Variants in DCLRE1C observed in about 807,000 individuals in gnomAD.
The protein encoded by DCLRE1C is protein artemis.
A neutral mutation model predicts 61.4 loss-of-function variants in DCLRE1C; 47 were observed. That is an observed-to-expected ratio of 0.77 (90% CI 0.61 to 0.98). The LOEUF is 0.98. DCLRE1C is among the 50% of genes least tolerant of loss of function. DCLRE1C has a pLI of 0.00. For missense variants in DCLRE1C, 858 were observed against 816.0 expected (o/e 1.05, Z -0.63); for synonymous variants, 337 against 287.6 (o/e 1.17, Z -1.74).
chr10:14,927,052 C>T (rs1838124126), intron 10 of DCLRE1C, among the ~76,000 whole-genome samples, 155 bp from the exon 11 acceptor site: 2 of 152,202 alleles, frequency 1.3e-5, no homozygotes, highest in African/African-American at 4.8e-5. Context: ...TCAGGAATTT[C>T]TTCTTGGGAT....
At chr10:14,911,110 AG>A (rs776653207) in intron 13 of DCLRE1C, 1 of 152,342 alleles carries the variant, frequency 6.6e-6, no homozygotes, top group Non-Finnish European at 1.5e-5. Flanking sequence ...TGCACTAAGC[AG>A]CATGTGCTTG....
intron 13 of DCLRE1C, among the ~76,000 whole-genome samples, chr10:14,910,571 G>A (rs141639977): frequency 1.3e-5 from 2 of 152,184 alleles, no homozygotes; most frequent in East Asian, 3.9e-4. Context: ...TGGAATTAGA[G>A]GCATGAGCCA....
intron 11 of DCLRE1C, among the ~76,000 whole-genome samples, chr10:14,924,853 A>G (rs1189732052): frequency 1.3e-5 from 2 of 151,902 alleles, no homozygotes; most frequent in Non-Finnish European, 2.9e-5. Flanking sequence ...TCTCAAAAAA[A>G]TAAATAAATA....
chr10:14,918,574 T>C (rs1230822002), intron 13 of DCLRE1C, among the ~76,000 whole-genome samples: 1 of 151,574 alleles, frequency 6.6e-6, no homozygotes, highest in Non-Finnish European at 1.5e-5. Flanking sequence ...ATTTATCAAA[T>C]TGTACACCTT....
chr10:14,944,655 A>G (rs1227890851), intron 3 of DCLRE1C, among the ~76,000 whole-genome samples: 1 of 150,844 alleles, frequency 6.6e-6, no homozygotes, highest in African/African-American at 2.4e-5. Flanking sequence ...CAATGCCAAC[A>G]GACTTAATTT....
chr10:14,953,223 T>TAACA (rs1174228441), intron 1 of DCLRE1C, among the ~76,000 whole-genome samples: 7 of 152,254 alleles, frequency 4.6e-5, no homozygotes, highest in African/African-American at 1.4e-4. Flanking sequence ...ACAATGGTTG[T>TAACA]CAAGTTAGCG....
intron 12 of DCLRE1C, among the ~76,000 whole-genome samples, chr10:14,922,030 C>CT (rs915815648): frequency 2.6e-4 from 39 of 152,246 alleles, no homozygotes; most frequent in Middle Eastern, 3.2e-3. Context: ...ACCCATTGAG[C>CT]TTGTGTGCTG....
intron 9 of DCLRE1C, 62 bp downstream of exon 9, chr10:14,932,792 T>A: frequency 6.3e-7 from 1 of 1,588,888 alleles, no homozygotes. Flanking sequence ...ATGGAAGCCC[T>A]GACCTTTCTT....
At chr10:14,946,139 G>C (rs1190896908) in intron 2 of DCLRE1C, among the ~76,000 whole-genome samples, 1 of 151,272 alleles carries the variant, frequency 6.6e-6, no homozygotes, top group Non-Finnish European at 1.5e-5. Context: ...CTCTTGAGTA[G>C]CTGGGACTAC....
chr10:14,900,341 CATT>C (rs1450422390), downstream of DCLRE1C, among the ~76,000 whole-genome samples: 1 of 152,104 alleles, frequency 6.6e-6, no homozygotes, highest in Non-Finnish European at 1.5e-5. Context: ...GTTAGGGTGA[CATT>C]ATCTGCATTT....
rs537052664 is a variant in DCLRE1C at position 14,934,274 on chromosome 10, G to A, written c.678+106C>T. The A allele has an allele frequency of 2.0e-6, 3 of 1,497,278 alleles. No homozygotes were observed. The African/African-American group carries it at 4.3e-5, about 21-fold the overall frequency. The allele number at this position is 1,497,278 out of a possible 1,614,324, so 92.7% of individuals were successfully genotyped here. ...ACCCGGGAGGTGGAGGCTGCAGTGA[G>A]CCGAGGTCGCGTCACTACACTCCAG... On this transcript the variant is annotated intron_variant, in intron 8 of 13. Transcript: ENST00000378278.
At chr10:14,920,703 C>T (rs1251043822) in intron 12 of DCLRE1C, among the ~76,000 whole-genome samples, 1 of 152,200 alleles carries the variant, frequency 6.6e-6, no homozygotes, top group Non-Finnish European at 1.5e-5. Context: ...GGATGGGGGC[C>T]GGGTGCGGTG....
In DCLRE1C at chr10:14,922,837, G is replaced by GA. The variant is rs1366718753; in HGVS notation, c.1061+143dup. 29 of 685,724 alleles carry GA rather than the reference G, an allele frequency of 4.2e-5. 1 individual carries two copies. The highest frequency in any genetic ancestry group is 3.2e-4 in the South Asian group (20 of 62,642). 42.5% of individuals were successfully genotyped at this position (685,724 alleles called of 1,614,324 possible). On this transcript the variant is annotated intron_variant, in intron 12 of 13. Transcript: ENST00000378278. ...TGTGGAACTAAAGGAAACACTCCAGGAAAAAATGGAAATGAGTATCAGTTC... is the reference window on the plus strand; with the variant it reads ...TGTGGAACTAAAGGAAACACTCCAGGAAAAAAATGGAAATGAGTATCAGTTC...
downstream of DCLRE1C, chr10:14,903,202 G>GCT (rs1834137732): frequency 6.6e-6 from 1 of 152,134 alleles, no homozygotes; most frequent in Non-Finnish European, 1.5e-5. Context: ...TCTCCGAAGA[G>GCT]CTCTCTCTAG....
intron 6 of DCLRE1C, 30 bp downstream of exon 6, chr10:14,935,433 A>G (rs2130954325): frequency 6.2e-7 from 1 of 1,600,844 alleles, no homozygotes; most frequent in African/African-American, 1.3e-5. Context: ...ATAAAATAAA[A>G]TAAAATAAAA....
chr10:14,908,782 C>A lies in DCLRE1C; in HGVS notation c.1705G>T (p.Asp569Tyr), dbSNP rs774570818. The change falls in exon 14 of 14, where the codon GAT (aspartate) becomes TAT (tyrosine). Residue 569 changes from aspartate to tyrosine, a missense_variant. Physicochemically the swap from Asp to Tyr is radical, Grantham distance 160. Coordinates refer to ENST00000378278, the MANE Select transcript of DCLRE1C (RefSeq NM_001033855.3). ...LLSSQERNSG[D>Y]ITSLDKADYR... is the part of the protein sequence containing the mutation. ...TCAGCTTTGTCCAAGGAAGTAATAT[C>A]CCCACTGTTTCTCTCTTGGGAAGAT... 1.9e-6 allele frequency: 3 copies of A among 1,614,038 alleles called. No individual in the cohort carries two copies. The African/African-American group carries it at 4.0e-5, about 22-fold the overall frequency.
chr10:14,935,254 G>A (rs1839715343), intron 6 of DCLRE1C, among the ~76,000 whole-genome samples: 1 of 152,004 alleles, frequency 6.6e-6, no homozygotes. Context: ...ATCACCTGAA[G>A]TCAGGAGTTC....
chr10:14,937,281 CTTTTT>C (rs1162058273), intron 4 of DCLRE1C, among the ~76,000 whole-genome samples: 14 of 110,596 alleles, frequency 1.3e-4, no homozygotes, highest in African/African-American at 3.0e-4. Flanking sequence ...AAGCTATTTA[CTTTTT>C]TTTTTTTTTT....
chr10:14,924,190 A>T (rs922717953), intron 11 of DCLRE1C, among the ~76,000 whole-genome samples: 3 of 152,152 alleles, frequency 2.0e-5, no homozygotes, highest in African/African-American at 7.2e-5. Context: ...GCTCTCTCTC[A>T]CTCGCGTGCG....
Sources: gnomAD v4.1 joint callset for allele counts (sites outside exome capture counted in the v4.1 genomes callset) on GRCh38, gnomAD v4.1.1 for gene constraint, MANE v1.5 for transcripts, NCBI Gene and HGNC (gene_info 2026-07-23, HGNC 2026-07-21) for gene names.